Variants in ARG1 observed in about 807,000 individuals in gnomAD.
The protein encoded by ARG1 is arginase 1, also known as arginase-1.
ARG1 carries 20 observed loss-of-function variants against 33.0 expected under a neutral mutation model. That is an observed-to-expected ratio of 0.61 (90% confidence interval 0.43 to 0.88). The LOEUF is 0.88. ARG1 is among the 40% of genes least tolerant of loss of function. ARG1 has a pLI of 0.00. For synonymous variants in ARG1, 146 were observed against 140.6 expected, an observed-to-expected ratio of 1.04 and a Z score of -0.27; for missense variants, 374 against 384.7, an observed-to-expected ratio of 0.97 and a Z score of 0.23.
rs1380392813 is a variant in ARG1 at position 131,583,591 on chromosome 6, G to A, written c.802+100G>A. The A allele has an allele frequency of 1.9e-6, 3 of 1,545,136 alleles. No individual in the cohort carries two copies. In the African/African-American group the frequency reaches 4.1e-5, roughly 21 times the overall value. On this transcript the variant is annotated intron_variant, in intron 7 of 7. Coordinates refer to ENST00000368087, the MANE Select transcript of ARG1 (RefSeq NM_000045.4). ...AACCAAGTCCCAGCTGACACTTTCA[G>A]AATGTCCATCAGTCACATGATGCAA...
intron 2 of ARG1, among the ~76,000 whole-genome samples, chr6:131,578,018 G>A (rs1158580032): frequency 2.0e-5 from 3 of 151,642 alleles, no homozygotes; most frequent in Admixed American, 1.3e-4. Flanking sequence ...CCACTGATAC[G>A]ACATTCTGGA....
chr6:131,574,328 G>T, intron 1 of ARG1: 1 of 1,613,826 alleles, frequency 6.2e-7, no homozygotes, highest in Non-Finnish European at 8.5e-7. Context: ...CCAGAGGTTA[G>T]AGGCCCAAAC....
At chr6:131,579,832 G>C (rs1008181782) in intron 3 of ARG1, among the ~76,000 whole-genome samples, 3 of 150,736 alleles carry the variant, frequency 2.0e-5, no homozygotes, top group African/African-American at 2.5e-5. Flanking sequence ...TGTTTAACGT[G>C]TGTGTGTGTG....
chr6:131,581,476 G>C (rs1250503157), intron 4 of ARG1, 98 bp downstream of exon 4: 19 of 1,363,722 alleles, frequency 1.4e-5, no homozygotes, highest in Non-Finnish European at 1.9e-5. Context: ...TCTTATTCTT[G>C]GTGTAATCTC....
intron 5 of ARG1, 73 bp downstream of exon 5, chr6:131,582,788 C>T (rs1490667467): frequency 1.6e-6 from 2 of 1,266,762 alleles, no homozygotes; most frequent in African/African-American, 2.9e-5. Flanking sequence ...TACTGACCAA[C>T]TCTATGAGAG....
chr6:131,583,767 G>A lies in ARG1; in HGVS notation c.828G>A (p.Met276Ile), dbSNP rs1165610556. The change falls in exon 8 of 8, where the codon ATG becomes ATA. Residue 276 changes from methionine (M) to isoleucine (I), a missense_variant. By Grantham distance (10) the Met-to-Ile change is conservative (BLOSUM62 1). Coordinates refer to ENST00000368087, the MANE Select transcript of ARG1 (RefSeq NM_000045.4). ...GGCTACTCTCAGGATTAGATATAAT[G>A]GAAGTGAACCCATCCCTGGGGAAGA... ...KTGLLSGLDI[M>I]EVNPSLGKTP... The A allele has an allele frequency of 6.2e-7, 1 of 1,613,858 alleles. No individual in the cohort carries two copies. The highest frequency in any genetic ancestry group is 1.3e-5 in the African/African-American group (1 of 74,906).
chr6:131,580,047 T>G (rs1368650670), intron 3 of ARG1, among the ~76,000 whole-genome samples: 9 of 152,176 alleles, frequency 5.9e-5, no homozygotes, highest in Admixed American at 5.9e-4. Flanking sequence ...CATTATAATT[T>G]TCACCATTAC....
Position 131,582,654 on chromosome 6 carries a change from C to T in ARG1, c.499C>T (p.Pro167Ser). The change falls in exon 5 of 8, where the codon CCC becomes TCC. Residue 167 changes from proline to serine, a missense_variant. Physicochemically the swap from Pro to Ser is moderately conservative, Grantham distance 74 (BLOSUM62 -1). Coordinates refer to ENST00000368087, the MANE Select transcript of ARG1 (RefSeq NM_000045.4). ...TGTGCCAGGATTCTCCTGGGTGACT[C>T]CCTGTATATCTGCCAAGGATATTGT... ...PDVPGFSWVTPCISAKDIVYI... is the reference protein window; with the variant it reads ...PDVPGFSWVTSCISAKDIVYI... The T allele has an allele frequency of 6.2e-7, 1 of 1,613,840 alleles. No homozygotes were observed. The highest frequency in any genetic ancestry group is 8.5e-7 in the Non-Finnish European group (1 of 1,179,828).
intron 3 of ARG1, among the ~76,000 whole-genome samples, chr6:131,580,658 T>C (rs974395290): frequency 6.6e-6 from 1 of 152,204 alleles, no homozygotes; most frequent in African/African-American, 2.4e-5. Flanking sequence ...AGTGGGTAAC[T>C]AGATGCATTG....
rs1411205906 is a variant in ARG1, at chr6:131,573,248, G to C, written c.-35G>C. 28 of 1,613,384 alleles carry C rather than the reference G, an allele frequency of 1.7e-5. No homozygotes were observed. The highest frequency in any genetic ancestry group is 2.4e-5 in the Non-Finnish European group (28 of 1,179,394). Reference sequence around the variant, plus strand: ...TCTGTCACTGAGGGTTGACTGACTGGAGAGCTCAAGTGCAGCAAAGAGAAG... The same window carrying C: ...TCTGTCACTGAGGGTTGACTGACTGCAGAGCTCAAGTGCAGCAAAGAGAAG... On this transcript the variant is annotated 5_prime_UTR_variant, in exon 1 of 8. Transcript: ENST00000368087.
chr6:131,581,167 T>C, intron 3 of ARG1, 52 bp from the exon 4 acceptor site: 1 of 1,568,584 alleles, frequency 6.4e-7, no homozygotes, highest in South Asian at 1.1e-5. Flanking sequence ...TAATATGATG[T>C]ATGTAGTGAC....
Position 131,579,198 on chromosome 6 carries a change from T to G in ARG1, c.218T>G (p.Val73Gly), listed in dbSNP as rs867223787. 2 of 1,613,998 alleles carry G rather than the reference T, an allele frequency of 1.2e-6. No individual in the cohort carries two copies. Among genetic ancestry groups the G allele is most frequent in the Non-Finnish European group, 1.7e-6 (2 of 1,179,992 alleles). The change falls in exon 3 of 8, where the codon GTG becomes GGG. Residue 73 changes from valine (V) to glycine (G), a missense_variant. Coordinates refer to ENST00000368087, the MANE Select transcript of ARG1 (RefSeq NM_000045.4). ...CAAATTGTGAAGAATCCAAGGTCTG[T>G]GGGAAAAGCAAGCGAGCAGCTGGCT... ...PFQIVKNPRS[V>G]GKASEQLAGK... is the part of the protein sequence containing the mutation.
intron 1 of ARG1, among the ~76,000 whole-genome samples, chr6:131,575,967 G>A (rs1562353430): frequency 6.6e-6 from 1 of 152,140 alleles, no homozygotes; most frequent in Non-Finnish European, 1.5e-5. Flanking sequence ...GCTTACTTAT[G>A]TGAGTACATG....
At chr6:131,573,379 T>C (rs780600712) in intron 1 of ARG1, 40 bp downstream of exon 1, 33 of 1,606,736 alleles carry the variant, frequency 2.1e-5, no homozygotes, top group Non-Finnish European at 2.7e-5. Flanking sequence ...TGGAATTTAG[T>C]TGAAAATTTT....
chr6:131,583,578 G>A (rs1774050980), intron 7 of ARG1, 87 bp downstream of exon 7: 1 of 1,567,516 alleles, frequency 6.4e-7, no homozygotes, highest in Middle Eastern at 1.7e-4. Flanking sequence ...CCAAGTCCCA[G>A]CTGACACTTT....
chr6:131,574,912 C>A (rs1231047866), intron 1 of ARG1, among the ~76,000 whole-genome samples: 1 of 152,174 alleles, frequency 6.6e-6, no homozygotes, highest in Non-Finnish European at 1.5e-5. Context: ...TAATTCCAGA[C>A]AAGATAATCT....
chr6:131,583,435 T>C lies in ARG1; in HGVS notation c.746T>C (p.Val249Ala), dbSNP rs755779260. ...ACACCAGCTACTGGCACACCAGTCG[T>C]GGGAGGTCTGACATACAGAGAAGGT... ...SFTPATGTPVVGGLTYREGLY... is the reference protein window; with the variant it reads ...SFTPATGTPVAGGLTYREGLY... Residue 249 changes from valine to alanine, a missense_variant, in exon 7 of 8, where the codon GTG (valine) becomes GCG (alanine). Transcript: ENST00000368087. The C allele has an allele frequency of 9.3e-6, 15 of 1,613,984 alleles. No individual in the cohort carries two copies. In the African/African-American group the frequency reaches 1.9e-4, roughly 20 times the overall value.
intron 1 of ARG1, among the ~76,000 whole-genome samples, chr6:131,576,245 C>T (rs1460095423): frequency 6.6e-6 from 1 of 152,212 alleles, no homozygotes; most frequent in East Asian, 1.9e-4. Flanking sequence ...GCCCATATCT[C>T]CTATCAGCTT....
intron 2 of ARG1, 58 bp from the exon 3 acceptor site, chr6:131,579,053 C>A: frequency 6.3e-7 from 1 of 1,581,264 alleles, no homozygotes; most frequent in Non-Finnish European, 8.7e-7. Context: ...GATCATCCTA[C>A]ACAGACTGAT....
Sources: allele counts gnomAD v4.1 joint callset (sites outside exome capture counted in the v4.1 genomes callset), GRCh38; gene constraint gnomAD v4.1.1; transcripts MANE v1.5; gene names NCBI Gene and HGNC (gene_info 2026-07-23, HGNC 2026-07-21).